The following SLC4A4 variants were observed in gnomAD, a reference collection of about 807,000 sequenced individuals.
SLC4A4 encodes solute carrier family 4 member 4, also known as electrogenic sodium bicarbonate cotransporter 1.
SLC4A4 carries 27 observed loss-of-function variants against 111.5 expected under a neutral mutation model. That is an observed-to-expected ratio of 0.24 (90% confidence interval 0.18 to 0.33). SLC4A4 has a LOEUF of 0.33. Ranked by LOEUF, SLC4A4 falls within the 10% of genes least tolerant of loss-of-function variation. The pLI is 1.00. For missense variants in SLC4A4, 909 were observed against 1,315.5 expected, an observed-to-expected ratio of 0.69 and a Z score of 4.78; for synonymous variants, 443 against 463.4, an observed-to-expected ratio of 0.96 and a Z score of 0.57.
intron 3 of SLC4A4, among the ~76,000 whole-genome samples, chr4:71,297,509 A>AACACACACACAC (rs61184918): frequency 6.1e-5 from 8 of 132,056 alleles, no homozygotes; most frequent in African/African-American, 8.5e-5. Context: ...CACACAGACA[A>AACACACACACAC]ACACACACAC....
intron 7 of SLC4A4, among the ~76,000 whole-genome samples, chr4:71,426,890 T>C (rs1723192921): frequency 6.6e-6 from 1 of 152,110 alleles, no homozygotes; most frequent in Non-Finnish European, 1.5e-5. Flanking sequence ...CTGTAAAATA[T>C]GGTTGTAGTT....
intron 2 of SLC4A4, among the ~76,000 whole-genome samples, chr4:71,110,830 A>T (rs1327729088): frequency 1.3e-5 from 2 of 152,158 alleles, no homozygotes. Flanking sequence ...TGTATAATTT[A>T]GTTCTGTGTA....
intron 3 of SLC4A4, among the ~76,000 whole-genome samples, chr4:71,327,497 C>T (rs1727593444): frequency 6.6e-6 from 1 of 151,836 alleles, no homozygotes. Context: ...TTTTCCCTGT[C>T]TATAAGAGTA....
intron 12 of SLC4A4, among the ~76,000 whole-genome samples, chr4:71,454,782 A>C (rs1726074986): frequency 6.6e-6 from 1 of 152,048 alleles, no homozygotes; most frequent in African/African-American, 2.4e-5. Context: ...TTACCCCAAA[A>C]CTTAGAGGCT....
At chr4:71,194,117 G>T (rs1264569909) in intron 1 of SLC4A4, among the ~76,000 whole-genome samples, 1 of 152,162 alleles carries the variant, frequency 6.6e-6, no homozygotes, top group Non-Finnish European at 1.5e-5. Context: ...TATTTGGAAG[G>T]TATGAATTGA....
At chr4:71,397,495 CTAA>C in intron 6 of SLC4A4, 79 bp from the exon 7 acceptor site, 1 of 1,164,262 alleles carries the variant, frequency 8.6e-7, no homozygotes, top group Non-Finnish European at 1.3e-6. Context: ...TCATCATCTA[CTAA>C]TGTTTATTAA....
rs560145032 is a variant in SLC4A4 at position 71,271,478 on chromosome 4, G to A, written c.253+16079G>A. Among the ~76,000 whole-genome samples, 147 of 152,192 alleles carry A rather than the reference G, an allele frequency of 9.7e-4. 2 individuals carry two copies. Among genetic ancestry groups the A allele is most frequent in the African/African-American group, 3.4e-3 (140 of 41,532 alleles). On this transcript the variant is annotated intron_variant, in intron 3 of 25. Transcript: ENST00000264485. ...GTCTTGAAATAATAAAATATGGGTGGAAATAGAAACCAAACCAGGGAGAAC... is the reference window on the plus strand; with the variant it reads ...GTCTTGAAATAATAAAATATGGGTGAAAATAGAAACCAAACCAGGGAGAAC...
intron 16 of SLC4A4, among the ~76,000 whole-genome samples, chr4:71,520,988 C>T (rs1426522389): frequency 1.3e-5 from 2 of 152,026 alleles, no homozygotes; most frequent in Non-Finnish European, 2.9e-5. Flanking sequence ...TTCCAAAGTG[C>T]TGGGATTATG....
chr4:71,086,428 C>G (rs1396033728), intron 1 of SLC4A4, among the ~76,000 whole-genome samples: 1 of 151,990 alleles, frequency 6.6e-6, no homozygotes, highest in Non-Finnish European at 1.5e-5. Context: ...CTGGCCAGAA[C>G]TTCCAACACT....
rs1465418882 is a variant in SLC4A4 at position 71,458,870 on chromosome 4, G to A, written c.1497+5201G>A. On this transcript the variant is annotated intron_variant, in intron 12 of 25. Coordinates refer to ENST00000264485, the MANE Select transcript of SLC4A4 (RefSeq NM_001098484.3). ...GAGTGTTGTACTTTGGCACCAAAAT[G>A]CATTTCCTCCTTGAAGTGAAAATAT... Among the ~76,000 whole-genome samples the A allele has an allele frequency of 3.9e-5, 6 of 152,048 alleles. No individual in the cohort carries two copies. In the South Asian group the frequency reaches 1.2e-3, roughly 32 times the overall value.
upstream of SLC4A4, among the ~76,000 whole-genome samples, chr4:71,183,396 C>T (rs566944194): frequency 4.7e-4 from 71 of 152,314 alleles, no homozygotes; most frequent in Non-Finnish European, 7.8e-4. Context: ...AAACTGTGTT[C>T]ACCTTCATTC....
intron 18 of SLC4A4, among the ~76,000 whole-genome samples, chr4:71,540,232 G>T (rs1202777962): frequency 1.3e-5 from 2 of 152,090 alleles, no homozygotes; most frequent in Non-Finnish European, 2.9e-5. Context: ...CGTCTATTCT[G>T]TGTCCCTGCA....
chr4:71,093,292 C>T (rs371413652), intron 2 of SLC4A4, among the ~76,000 whole-genome samples: 48 of 150,578 alleles, frequency 3.2e-4, no homozygotes, highest in South Asian at 1.5e-3. Context: ...CTCAGCCTCC[C>T]GAGTAGCTGG....
chr4:71,230,423 T>C (rs1719340226), intron 1 of SLC4A4, among the ~76,000 whole-genome samples: 2 of 152,228 alleles, frequency 1.3e-5, no homozygotes, highest in South Asian at 4.1e-4. Flanking sequence ...GTCACTTTGG[T>C]GTGCGTCTGT....
At chr4:71,220,974 G>A (rs749952699) in intron 1 of SLC4A4, among the ~76,000 whole-genome samples, 4 of 152,106 alleles carry the variant, frequency 2.6e-5, no homozygotes, top group African/African-American at 7.2e-5. Context: ...GCAGTATTTG[G>A]TTTTCTGTTC....
intron 23 of SLC4A4, among the ~76,000 whole-genome samples, chr4:71,562,258 T>C (rs1368460653): frequency 2.6e-5 from 4 of 151,744 alleles, no homozygotes; most frequent in African/African-American, 7.3e-5. Context: ...TCCTAGGCAG[T>C]GAATCCAGCT....
At chr4:71,092,038 A>T (rs1341364571) in intron 1 of SLC4A4, among the ~76,000 whole-genome samples, 3 of 152,226 alleles carry the variant, frequency 2.0e-5, no homozygotes, top group African/African-American at 7.2e-5. Flanking sequence ...CCTTTGTGGT[A>T]TCAAGTACCA....
chr4:71,264,959 T>G (rs1424491569), intron 3 of SLC4A4, among the ~76,000 whole-genome samples: 2 of 152,174 alleles, frequency 1.3e-5, no homozygotes, highest in Admixed American at 6.5e-5. Flanking sequence ...TTTCAAAAAG[T>G]GTGGCGGAAA....
intron 2 of SLC4A4, among the ~76,000 whole-genome samples, chr4:71,239,659 A>G (rs1229459472): frequency 6.6e-6 from 1 of 152,198 alleles, no homozygotes; most frequent in African/African-American, 2.4e-5. Context: ...GAATTTATCT[A>G]TGTGGCATAT....
Sources: allele counts gnomAD v4.1 joint callset (sites outside exome capture counted in the v4.1 genomes callset), GRCh38; gene constraint gnomAD v4.1.1; transcripts MANE v1.5; gene names NCBI Gene and HGNC (gene_info 2026-07-23, HGNC 2026-07-21).